PCDHA2: variants seen among roughly 807,000 people sequenced by gnomAD.
The protein encoded by PCDHA2 is protocadherin alpha-2.
PCDHA2 carries 58 observed loss-of-function variants against 66.0 expected under a neutral mutation model. That is an observed-to-expected ratio of 0.88 (90% CI 0.71 to 1.09). The LOEUF (loss-of-function observed/expected upper bound fraction) is 1.09. Ranked by LOEUF, PCDHA2 falls within the 50% of genes least tolerant of loss-of-function variation. PCDHA2 has a pLI of 0.00. For missense variants in PCDHA2, 1,267 were observed against 1,242.3 expected, an observed-to-expected ratio of 1.02 and a Z score of -0.30; for synonymous variants, 634 against 554.0, an observed-to-expected ratio of 1.14 and a Z score of -2.03.
intron 1 of PCDHA2, chr5:140,871,426 C>T (rs1554165586): frequency 1.2e-6 from 2 of 1,613,320 alleles, no homozygotes; most frequent in Non-Finnish European, 8.5e-7. Context: ...CAGCCCCAGT[C>T]TTCCTCTAGG....
Position 140,877,553 on chromosome 5 carries a change from T to C in PCDHA2, c.2388+80201T>C, listed in dbSNP as rs781933436. The C allele has an allele frequency of 1.9e-6, 3 of 1,613,720 alleles. No individual in the cohort carries two copies. The South Asian group carries it at 3.3e-5, about 18-fold the overall frequency. On this transcript the variant is annotated intron_variant, in intron 1 of 3. Coordinates refer to ENST00000526136, the MANE Select transcript of PCDHA2 (RefSeq NM_018905.3). ...GCTGTGGATCCCGAAGCGGCTCTGG[T>C]GGATATTAACGTGTACCTCATCATC...
rs782239316 is a variant in PCDHA2 at position 140,877,376 on chromosome 5, G to T, written c.2388+80024G>T. 6.2e-6 allele frequency: 10 copies of T among 1,613,896 alleles called. No individual in the cohort carries two copies. The South Asian group carries it at 6.6e-5, about 11-fold the overall frequency. On this transcript the variant is annotated intron_variant, in intron 1 of 3. Transcript: ENST00000526136. The stretch of plus-strand genomic sequence containing the variant: ...TACACTGGCGAGATCAGCACGACAC[G>T]CATCCTGGATGAGGCGGACGCTCCG...
chr5:140,955,813 G>A (rs1428196745), intron 1 of PCDHA2, among the ~76,000 whole-genome samples: 1 of 152,096 alleles, frequency 6.6e-6, no homozygotes, highest in Non-Finnish European at 1.5e-5. Context: ...TGTGTCCACT[G>A]TGATTTCCTT....
At chr5:140,951,448 G>A (rs892144078) in intron 1 of PCDHA2, among the ~76,000 whole-genome samples, 74 of 152,022 alleles carry the variant, frequency 4.9e-4, no homozygotes, top group African/African-American at 1.7e-3. Context: ...GCATGATGCC[G>A]GCCATCTGCT....
At chr5:140,878,110 A>T in intron 1 of PCDHA2, 1 of 249,264 alleles carries the variant, frequency 4.0e-6, no homozygotes, top group South Asian at 1.2e-4. Context: ...CTTGAAAAAA[A>T]CAGTATATTA....
chr5:140,919,038 C>A (rs2078983263), intron 1 of PCDHA2, among the ~76,000 whole-genome samples: 1 of 152,046 alleles, frequency 6.6e-6, no homozygotes, highest in Non-Finnish European at 1.5e-5. Context: ...TAGTTGTTGT[C>A]CATTATTGGA....
At chr5:140,904,725 C>A (rs1554191671) in intron 1 of PCDHA2, among the ~76,000 whole-genome samples, 1 of 152,050 alleles carries the variant, frequency 6.6e-6, no homozygotes, top group Non-Finnish European at 1.5e-5. Context: ...TGGCCAACAT[C>A]TATTATTTTT....
At chr5:140,954,406 G>A (rs556455987) in intron 1 of PCDHA2, among the ~76,000 whole-genome samples, 2 of 152,268 alleles carry the variant, frequency 1.3e-5, no homozygotes, top group East Asian at 3.9e-4. Flanking sequence ...CACCAACAGG[G>A]TAAAGGTGTT....
rs2150425663 is a variant in PCDHA2, at chr5:140,848,940, G to A, written c.2388+51588G>A. On this transcript the variant is annotated intron_variant, in intron 1 of 3. Coordinates refer to ENST00000526136, the MANE Select transcript of PCDHA2 (RefSeq NM_018905.3). The stretch of plus-strand genomic sequence containing the variant: ...GTTCATCGCGGAATCCAGGCCGCTT[G>A]ACTCTCGGTTTCCACTAGAGGGCGC... 7.5e-6 allele frequency: 12 copies of A among 1,607,456 alleles called. No individual in the cohort carries two copies. In the South Asian group the frequency reaches 1.2e-4, roughly 16 times the overall value.
intron 1 of PCDHA2, chr5:140,848,375 C>T: frequency 1.7e-6 from 2 of 1,165,908 alleles, no homozygotes; most frequent in Admixed American, 4.7e-5. Flanking sequence ...AGGCTCAATT[C>T]TTTTTCACTC....
intron 1 of PCDHA2, chr5:140,822,672 TG>T: frequency 6.2e-7 from 1 of 1,608,506 alleles, no homozygotes; most frequent in Non-Finnish European, 8.5e-7. Context: ...CTAATACTGG[TG>T]AAATAAAAGT....
rs1554181343 is a variant in PCDHA2, at chr5:140,884,223, A to G, written c.2388+86871A>G. ...CACCACCGCCTTCTGGTGCTGGTGAAGGACCACGGTGAGCCCGCGCTGACG... is the reference window on the plus strand; with the variant it reads ...CACCACCGCCTTCTGGTGCTGGTGAGGGACCACGGTGAGCCCGCGCTGACG... On this transcript the variant is annotated intron_variant, in intron 1 of 3. Coordinates refer to ENST00000526136, the MANE Select transcript of PCDHA2 (RefSeq NM_018905.3). 1.1e-5 allele frequency: 17 copies of G among 1,613,364 alleles called. No homozygotes were observed. The highest frequency in any genetic ancestry group is 1.7e-5 in the Admixed American group (1 of 59,998).
intron 1 of PCDHA2, 110 bp downstream of exon 1, chr5:140,797,462 C>A: frequency 7.9e-7 from 1 of 1,265,180 alleles, no homozygotes; most frequent in Non-Finnish European, 1.1e-6. Context: ...TTTATATCAT[C>A]CTACCGTGCG....
chr5:140,873,097 A>G (rs578070341), intron 1 of PCDHA2, among the ~76,000 whole-genome samples: 173 of 152,330 alleles, frequency 1.1e-3, no homozygotes, highest in African/African-American at 4.0e-3. Context: ...GTATAGAGGC[A>G]TAACATACCA....
At chr5:140,966,809 C>T (rs1335148442) in intron 1 of PCDHA2, 5 of 1,547,376 alleles carry the variant, frequency 3.2e-6, no homozygotes, top group African/African-American at 1.4e-5. Flanking sequence ...AGAGCATCCA[C>T]GGCTCCGGCG....
chr5:140,997,565 A>T (rs552009994), intron 3 of PCDHA2, among the ~76,000 whole-genome samples: 1 of 152,174 alleles, frequency 6.6e-6, no homozygotes, highest in Non-Finnish European at 1.5e-5. Context: ...CAACTGTCAT[A>T]TGTGTGGTCC....
chr5:140,841,696 T>C lies in PCDHA2; in HGVS notation c.2388+44344T>C, dbSNP rs2150321005. The C allele has an allele frequency of 6.8e-6, 11 of 1,613,722 alleles. No homozygotes were observed. In the East Asian group the frequency reaches 1.8e-4, roughly 26 times the overall value. Reference sequence around the variant, plus strand: ...TCCATGTGGACGTGGAGGTGAAGGATGTTAATGACAACCCGCCAGTGTTCC... The same window carrying C: ...TCCATGTGGACGTGGAGGTGAAGGACGTTAATGACAACCCGCCAGTGTTCC... On this transcript the variant is annotated intron_variant, in intron 1 of 3. Coordinates refer to ENST00000526136, the MANE Select transcript of PCDHA2 (RefSeq NM_018905.3).
At chr5:141,000,405 A>ATG (rs2097918195) in intron 3 of PCDHA2, among the ~76,000 whole-genome samples, 3 of 88,878 alleles carry the variant, frequency 3.4e-5, no homozygotes, top group African/African-American at 1.4e-4. Flanking sequence ...CTATATATAT[A>ATG]TATATATATA....
chr5:140,867,041 C>G (rs188716908), intron 1 of PCDHA2: 1 of 152,078 alleles, frequency 6.6e-6, no homozygotes, highest in East Asian at 1.9e-4. Flanking sequence ...TATGACTTGG[C>G]GTTTGTTCAG....
Sources: gnomAD v4.1 joint callset for allele counts (sites outside exome capture counted in the v4.1 genomes callset) on GRCh38, gnomAD v4.1.1 for gene constraint, MANE v1.5 for transcripts, NCBI Gene and HGNC (gene_info 2026-07-23, HGNC 2026-07-21) for gene names.